The following MAPK10 variants were observed in gnomAD, a reference collection of about 807,000 sequenced individuals.
MAPK10 encodes the protein mitogen-activated protein kinase 10.
A neutral mutation model predicts 59.3 loss-of-function variants in MAPK10; 25 were observed. The observed-to-expected ratio is 0.42, with a 90% CI of 0.31 to 0.59. MAPK10 has a LOEUF of 0.59. Ranked by LOEUF, MAPK10 falls within the 20% of genes least tolerant of loss-of-function variation. The pLI is 0.15. For synonymous variants in MAPK10, 190 were observed against 200.5 expected, an observed-to-expected ratio of 0.95 and a Z score of 0.44; for missense variants, 351 against 568.9, an observed-to-expected ratio of 0.62 and a Z score of 3.90.
Position 86,017,413 on chromosome 4 carries a change from C to A in MAPK10, c.1253-43G>T. Reference sequence around the variant, plus strand: ...AGACCAACATGACTCAATCTAGAACCAGACCCATCTTAATGCCATTCAGGA... The same window carrying A: ...AGACCAACATGACTCAATCTAGAACAAGACCCATCTTAATGCCATTCAGGA... On this transcript the variant is annotated intron_variant, in intron 13 of 13. Coordinates refer to ENST00000641462, the MANE Select transcript of MAPK10 (RefSeq NM_138982.4). The surrounding 1 kb of genome is among the most constrained non-coding windows in gnomAD (Gnocchi z 4.4). The A allele has an allele frequency of 6.2e-7, 1 of 1,610,196 alleles. No homozygotes were observed. Among genetic ancestry groups the A allele is most frequent in the Non-Finnish European group, 8.5e-7 (1 of 1,177,566 alleles).
chr4:86,023,209 A>G (rs1748264407), intron 13 of MAPK10, among the ~76,000 whole-genome samples: 2 of 152,312 alleles, frequency 1.3e-5, no homozygotes, highest in East Asian at 1.9e-4. Flanking sequence ...TTCTTTGTCC[A>G]TGTCTTACAT....
At chr4:86,233,431 A>G (rs1320467176) in intron 2 of MAPK10, among the ~76,000 whole-genome samples, 7 of 152,164 alleles carry the variant, frequency 4.6e-5, no homozygotes, top group Admixed American at 1.3e-4. Context: ...TGACTGCCAC[A>G]AAGACTCGGC....
At position 86,151,516 on chromosome 4, in the gene MAPK10, C is replaced by A. The variant is rs566426236; in HGVS notation, c.236+7782G>T. On this transcript the variant is annotated intron_variant, in intron 4 of 13. Transcript: ENST00000641462. ...CTTCCAGCAGGAGCAGAGAAAACAGCCACTTGGGCTGATCCGGATGAGAGT... is the reference window on the plus strand; with the variant it reads ...CTTCCAGCAGGAGCAGAGAAAACAGACACTTGGGCTGATCCGGATGAGAGT... 2.0e-5 allele frequency among the ~76,000 whole-genome samples: 3 copies of A among 152,208 alleles called. No individual in the cohort carries two copies. In the South Asian group the frequency reaches 6.2e-4, roughly 32 times the overall value.
intron 2 of MAPK10, among the ~76,000 whole-genome samples, chr4:86,344,805 C>T (rs1181312887): frequency 3.3e-5 from 5 of 152,118 alleles, no homozygotes; most frequent in African/African-American, 1.2e-4. Context: ...AATAGTTTCA[C>T]CTGATATGTT....
chr4:86,317,111 C>T (rs1322485734), intron 2 of MAPK10, among the ~76,000 whole-genome samples: 4 of 152,082 alleles, frequency 2.6e-5, no homozygotes, highest in Admixed American at 6.6e-5. Flanking sequence ...TTCCAAGAGG[C>T]GTGCCCACCA....
chr4:86,488,779 A>G (rs1407202208), intron 1 of MAPK10, among the ~76,000 whole-genome samples: 2 of 152,098 alleles, frequency 1.3e-5, no homozygotes, highest in Non-Finnish European at 2.9e-5. Flanking sequence ...CTCTTCCATC[A>G]TCTTCAAACT....
chr4:86,173,714 A>T (rs1453969212), intron 3 of MAPK10, among the ~76,000 whole-genome samples: 2 of 152,058 alleles, frequency 1.3e-5, no homozygotes, highest in Non-Finnish European at 2.9e-5. Context: ...TGGGAGAAAA[A>T]TTTTTCAATC....
intron 1 of MAPK10, among the ~76,000 whole-genome samples, chr4:86,392,159 C>T (rs1742285064): frequency 6.6e-6 from 1 of 152,132 alleles, no homozygotes; most frequent in African/African-American, 2.4e-5. Context: ...CAGCGTATGG[C>T]CAGGCGCAGT....
chr4:86,334,361 T>C (rs1422282581), intron 2 of MAPK10, among the ~76,000 whole-genome samples: 1 of 152,174 alleles, frequency 6.6e-6, no homozygotes. Context: ...TGGACCACCT[T>C]GTACCTTCAC....
chr4:86,194,427 A>G lies in MAPK10; in HGVS notation c.-6-20T>C, dbSNP rs762092670. The G allele has an allele frequency of 2.8e-6, 4 of 1,412,652 alleles. No homozygotes were observed. Among genetic ancestry groups the G allele is most frequent in the Non-Finnish European group, 4.0e-6 (4 of 998,814 alleles). 87.5% of individuals were successfully genotyped at this position (1,412,652 alleles called of 1,614,324 possible). ...AAATACCTAGAGGAAAAAGAAATGGAGCATAAATTTTCAAATCACTAGTTT... is the reference window on the plus strand; with the variant it reads ...AAATACCTAGAGGAAAAAGAAATGGGGCATAAATTTTCAAATCACTAGTTT... On this transcript the variant is annotated intron_variant, in intron 2 of 13. Coordinates refer to ENST00000641462, the MANE Select transcript of MAPK10 (RefSeq NM_138982.4).
At chr4:86,584,414 C>A (rs868295535) in intron 1 of MAPK10, among the ~76,000 whole-genome samples, 3 of 152,194 alleles carry the variant, frequency 2.0e-5, no homozygotes, top group African/African-American at 7.2e-5. Context: ...CTTGAAAAAT[C>A]CTGGAAATAT....
chr4:86,045,663 C>A (rs113311215), intron 11 of MAPK10, among the ~76,000 whole-genome samples: 1,521 of 152,026 alleles, frequency 0.01, 12 homozygotes, highest in Non-Finnish European at 0.016. Flanking sequence ...ATGCATGGTA[C>A]ATGACAATGC....
intron 2 of MAPK10, among the ~76,000 whole-genome samples, chr4:86,220,493 T>C (rs1167405678): frequency 6.6e-6 from 1 of 152,242 alleles, no homozygotes; most frequent in Non-Finnish European, 1.5e-5. Context: ...AATGATGCCA[T>C]AAGCAGCTCT....
chr4:86,544,842 C>A (rs933692280), intron 1 of MAPK10, among the ~76,000 whole-genome samples: 4 of 151,832 alleles, frequency 2.6e-5, no homozygotes, highest in Non-Finnish European at 5.9e-5. Context: ...GCACACACAG[C>A]CCATAATATC....
intron 2 of MAPK10, among the ~76,000 whole-genome samples, chr4:86,328,546 G>A (rs1419040809): frequency 6.6e-6 from 1 of 152,098 alleles, no homozygotes; most frequent in Non-Finnish European, 1.5e-5. Flanking sequence ...AAAGACACAT[G>A]CACATATATG....
At chr4:86,106,075 C>T (rs1046248731) in intron 5 of MAPK10, among the ~76,000 whole-genome samples, 1 of 152,106 alleles carries the variant, frequency 6.6e-6, no homozygotes, top group African/African-American at 2.4e-5. Context: ...GTTCCTGGCA[C>T]ATTTTATTCA....
chr4:86,064,658 C>A, intron 10 of MAPK10: 1 of 402,950 alleles, frequency 2.5e-6, no homozygotes, highest in Non-Finnish European at 4.5e-6. Flanking sequence ...ATGTATCAAC[C>A]TGGAGAGTTT....
intron 11 of MAPK10, among the ~76,000 whole-genome samples, chr4:86,047,157 C>G (rs1381249824): frequency 6.6e-6 from 1 of 152,028 alleles, no homozygotes; most frequent in African/African-American, 2.4e-5. Flanking sequence ...ACATATGAAA[C>G]CCTGACCCAG....
At chr4:86,518,739 C>T (rs943544588) in intron 1 of MAPK10, among the ~76,000 whole-genome samples, 56 of 150,940 alleles carry the variant, frequency 3.7e-4, no homozygotes, top group Admixed American at 3.2e-3. Flanking sequence ...GACTTTTTAA[C>T]GTAGGCATTT....
Sources: allele counts gnomAD v4.1 joint callset (sites outside exome capture counted in the v4.1 genomes callset), GRCh38; gene constraint gnomAD v4.1.1; non-coding constraint Gnocchi (gnomAD v3.1); transcripts MANE v1.5; gene names NCBI Gene and HGNC (gene_info 2026-07-23, HGNC 2026-07-21).